DLGAP1: variants seen among roughly 807,000 people sequenced by gnomAD.
DLGAP1 encodes the protein DLG associated protein 1, also known as disks large-associated protein 1.
A neutral mutation model predicts 90.8 loss-of-function variants in DLGAP1; 11 were observed. The observed-to-expected ratio is 0.12, with a 90% CI of 0.08 to 0.20. The LOEUF is 0.20. DLGAP1 is among the 10% of genes least tolerant of loss of function. The pLI is 1.00. For synonymous variants in DLGAP1, 558 were observed against 540.7 expected (o/e 1.03, Z -0.44); for missense variants, 1,050 against 1,333.8 (o/e 0.79, Z 3.31).
intron 3 of DLGAP1, among the ~76,000 whole-genome samples, chr18:3,919,864 G>A (rs1012080210): frequency 3.9e-5 from 6 of 152,202 alleles, no homozygotes; most frequent in East Asian, 1.9e-4. Flanking sequence ...CAGCCTGTAA[G>A]CTAAGAAAGG....
chr18:3,940,056 G>C (rs1211102889), intron 3 of DLGAP1, among the ~76,000 whole-genome samples: 1 of 152,144 alleles, frequency 6.6e-6, no homozygotes, highest in African/African-American at 2.4e-5. Flanking sequence ...GCCAAGGCTG[G>C]GTCATAAGAG....
chr18:4,237,731 G>A (rs1376518607), intron 1 of DLGAP1, among the ~76,000 whole-genome samples: 1 of 151,764 alleles, frequency 6.6e-6, no homozygotes, highest in Admixed American at 6.6e-5. Flanking sequence ...GTTATGAGTA[G>A]ATTAAATTCA....
At chr18:4,330,574 GT>G (rs2080926649) in intron 1 of DLGAP1, among the ~76,000 whole-genome samples, 1 of 151,694 alleles carries the variant, frequency 6.6e-6, no homozygotes. Context: ...TTCATTTTCA[GT>G]CAGTTCAAAA....
intron 1 of DLGAP1, among the ~76,000 whole-genome samples, chr18:4,448,273 T>G (rs1361088278): frequency 1.3e-5 from 2 of 152,194 alleles, no homozygotes; most frequent in East Asian, 3.8e-4. Flanking sequence ...TACTAATTAT[T>G]TCCTACATTT....
chr18:4,012,637 G>C (rs73380532), intron 2 of DLGAP1, among the ~76,000 whole-genome samples: 378 of 152,148 alleles, frequency 2.5e-3, no homozygotes, highest in African/African-American at 8.6e-3. Context: ...CCTTTAAACT[G>C]GTCTATGTAT....
chr18:4,191,814 A>G (rs933126045), intron 1 of DLGAP1, among the ~76,000 whole-genome samples: 4 of 152,184 alleles, frequency 2.6e-5, no homozygotes, highest in African/African-American at 9.7e-5. Context: ...CACTTGTCCA[A>G]CTGCAATGAC....
intron 7 of DLGAP1, among the ~76,000 whole-genome samples, chr18:3,721,067 A>T (rs2061964262): frequency 6.6e-6 from 1 of 151,930 alleles, no homozygotes; most frequent in Non-Finnish European, 1.5e-5. Context: ...AGAAAAAAAA[A>T]GGTGTCTGTG....
chr18:4,108,398 A>G (rs1266155665), intron 2 of DLGAP1, among the ~76,000 whole-genome samples: 2 of 152,032 alleles, frequency 1.3e-5, no homozygotes, highest in East Asian at 3.9e-4. Context: ...GAAGGCTCCT[A>G]CGTCAGGTAA....
chr18:3,793,198 T>C (rs750515896), intron 5 of DLGAP1, among the ~76,000 whole-genome samples: 2 of 152,152 alleles, frequency 1.3e-5, no homozygotes, highest in African/African-American at 2.4e-5. Flanking sequence ...TCCAGAGTCA[T>C]CCATGTGATC....
intron 2 of DLGAP1, among the ~76,000 whole-genome samples, chr18:4,136,631 T>C (rs929717544): frequency 2.0e-5 from 3 of 152,230 alleles, no homozygotes; most frequent in Admixed American, 2.0e-4. Flanking sequence ...TTATATATTC[T>C]TGTTATTAAT....
At chr18:4,228,726 C>G (rs1279505937) in intron 1 of DLGAP1, among the ~76,000 whole-genome samples, 1 of 151,904 alleles carries the variant, frequency 6.6e-6, no homozygotes, top group Non-Finnish European at 1.5e-5. Context: ...AGATCCACAG[C>G]TAATGTCATA....
intron 1 of DLGAP1, among the ~76,000 whole-genome samples, chr18:4,366,670 A>C (rs2081775970): frequency 6.6e-6 from 1 of 152,038 alleles, no homozygotes; most frequent in East Asian, 1.9e-4. Context: ...TCTACAGATA[A>C]ATCAATTTAT....
At chr18:3,952,153 T>A (rs1308706661) in intron 3 of DLGAP1, among the ~76,000 whole-genome samples, 1 of 152,236 alleles carries the variant, frequency 6.6e-6, no homozygotes, top group East Asian at 1.9e-4. Context: ...AAACTATGCG[T>A]AGGAGCATTT....
In DLGAP1 at chr18:4,317,143, G is replaced by A. The variant is rs188909252; in HGVS notation, c.-267+137863C>T. ...GAAAATGTAGGGGGGAAAGGAGAGCGCTGGATGCCTTCCTATTTCACATCC... is the reference window on the plus strand; with the variant it reads ...GAAAATGTAGGGGGGAAAGGAGAGCACTGGATGCCTTCCTATTTCACATCC... On this transcript the variant is annotated intron_variant, in intron 1 of 12. Coordinates refer to ENST00000315677, the MANE Select transcript of DLGAP1 (RefSeq NM_004746.4). 2.8e-4 allele frequency among the ~76,000 whole-genome samples: 43 copies of A among 152,298 alleles called. 1 individual carries two copies. In the South Asian group the frequency reaches 4.2e-3, roughly 15 times the overall value.
intron 7 of DLGAP1, among the ~76,000 whole-genome samples, chr18:3,677,662 T>G (rs1350227459): frequency 6.6e-6 from 1 of 152,190 alleles, no homozygotes; most frequent in African/African-American, 2.4e-5. Context: ...TTTTTCTTTT[T>G]TCTTTTTTTT....
intron 3 of DLGAP1, among the ~76,000 whole-genome samples, chr18:3,932,171 A>G (rs539838854): frequency 4.6e-5 from 7 of 152,306 alleles, no homozygotes; most frequent in Non-Finnish European, 8.8e-5. Flanking sequence ...AAGCATGTCA[A>G]TATCCATTTG....
intron 1 of DLGAP1, among the ~76,000 whole-genome samples, chr18:4,450,751 A>G (rs762726564): frequency 9.2e-5 from 14 of 152,242 alleles, no homozygotes; most frequent in Non-Finnish European, 1.3e-4. Context: ...GAAATTGTCA[A>G]TGGCAACAGA....
chr18:4,343,744 C>T (rs1023436134), intron 1 of DLGAP1, among the ~76,000 whole-genome samples: 1 of 152,030 alleles, frequency 6.6e-6, no homozygotes, highest in African/African-American at 2.4e-5. Context: ...CACATGTATA[C>T]CTATGTAACA....
chr18:3,657,856 G>A (rs112252421), intron 7 of DLGAP1, among the ~76,000 whole-genome samples: 25,315 of 151,358 alleles, frequency 0.17, 4,965 homozygotes, highest in African/African-American at 0.48. Flanking sequence ...CGCCCGCCTC[G>A]GCCTCCCAAA....
Sources: gnomAD v4.1 joint callset for allele counts (sites outside exome capture counted in the v4.1 genomes callset) on GRCh38, gnomAD v4.1.1 for gene constraint, MANE v1.5 for transcripts, NCBI Gene and HGNC (gene_info 2026-07-23, HGNC 2026-07-21) for gene names.